Variants in HPCAL4 observed in about 807,000 individuals in gnomAD.
HPCAL4 encodes the protein hippocalcin-like protein 4.
In HPCAL4, 16 loss-of-function variants were observed where a neutral mutation model predicts 18.2. That is an observed-to-expected ratio of 0.88 (90% confidence interval 0.59 to 1.33). The LOEUF is 1.33. HPCAL4 is among the 40% of genes most tolerant of loss of function. The pLI, the probability that HPCAL4 is intolerant of heterozygous loss-of-function variation, is 0.00. For synonymous variants in HPCAL4, 80 were observed against 97.5 expected, an observed-to-expected ratio of 0.82 and a Z score of 1.06; for missense variants, 214 against 256.6, an observed-to-expected ratio of 0.83 and a Z score of 1.14.
Position 39,684,463 on chromosome 1 carries a change from C to A in HPCAL4, c.141G>T (p.Glu47Asp). Residue 47 changes from glutamate to aspartate, a missense_variant, in exon 2 of 4, where the codon GAG becomes GAT. Physicochemically the swap from Glu to Asp is conservative, Grantham distance 45. Transcript: ENST00000372844. ...CCACCTTGATGTAGAGCTGCTGAAA[C>A]TCCTCCAGGTTGAGGATGCCGCTGG... is the stretch of plus-strand genomic sequence containing the variant. The part of the protein sequence containing the change: ...DCPSGILNLE[E>D]FQQLYIKFFP... 1 of 1,608,560 alleles carries A rather than the reference C, an allele frequency of 6.2e-7. No homozygotes were observed. Among genetic ancestry groups the A allele is most frequent in the Non-Finnish European group, 8.5e-7 (1 of 1,177,590 alleles).
intron 3 of HPCAL4, among the ~76,000 whole-genome samples, chr1:39,683,139 C>T (rs1417255802): frequency 6.6e-6 from 1 of 152,198 alleles, no homozygotes; most frequent in African/African-American, 2.4e-5. Context: ...CGGCCTCACC[C>T]TCCCAAAGTG....
Position 39,682,390 on chromosome 1 carries a change from A to T in HPCAL4, c.*146T>A. On this transcript the variant is annotated 3_prime_UTR_variant, in exon 4 of 4. Transcript: ENST00000372844. ...GGTGGTCCCTCAAAGATCTTGATGG[A>T]GGGGAGGAAGGGCTTGGGCAGAGGA... The T allele has an allele frequency of 1.5e-6, 1 of 664,186 alleles. No homozygotes were observed. The highest frequency in any genetic ancestry group is 2.6e-6 in the Non-Finnish European group (1 of 384,148). The allele number at this position is 664,186 out of a possible 1,614,324, so 41.1% of individuals were successfully genotyped here. A position where few individuals can be genotyped will look rare whatever the true frequency, so the allele number is the denominator to read the frequency against.
chr1:39,683,922 C>G lies in HPCAL4; in HGVS notation c.378+15G>C. On this transcript the variant is annotated intron_variant, in intron 3 of 3. Transcript: ENST00000372844. Reference sequence around the variant, plus strand: ...CGCTGGCCTCGGGAACAGCAGCGCCCGCGCGGCCCCGCACCTCGATGATCT... The same window carrying G: ...CGCTGGCCTCGGGAACAGCAGCGCCGGCGCGGCCCCGCACCTCGATGATCT... 2.5e-6 allele frequency: 4 copies of G among 1,608,870 alleles called. No homozygotes were observed. The highest frequency in any genetic ancestry group is 3.4e-6 in the Non-Finnish European group (4 of 1,177,218).
At chr1:39,691,060 C>G (rs1177790784) in intron 1 of HPCAL4, 1 of 152,696 alleles carries the variant, frequency 6.5e-6, no homozygotes, top group African/African-American at 2.4e-5. Flanking sequence ...AATGGTTGTT[C>G]TCACCTGAGC....
intron 1 of HPCAL4, among the ~76,000 whole-genome samples, chr1:39,688,345 T>TC (rs746514769): frequency 1.3e-5 from 2 of 152,134 alleles, no homozygotes; most frequent in Admixed American, 6.5e-5. Context: ...CTCTCCCTCA[T>TC]CCCCGGGGTG....
At chr1:39,687,912 A>AAC (rs71278728) in intron 1 of HPCAL4, among the ~76,000 whole-genome samples, 1,539 of 148,868 alleles carry the variant, frequency 0.01, 13 homozygotes, top group Non-Finnish European at 0.016. Flanking sequence ...CAAAAAAAAA[A>AAC]TAAGTAAATA....
intron 2 of HPCAL4, 69 bp downstream of exon 2, chr1:39,684,356 AGGGTGCCCTGCCTCCCT>A: frequency 9.7e-7 from 1 of 1,032,950 alleles, no homozygotes; most frequent in Non-Finnish European, 1.2e-6. Flanking sequence ...TTCTCATCCC[AGGGTGCCCTGCCTCCCT>A]CACCCCCGGT....
rs1646599159 is a variant in HPCAL4, at chr1:39,679,118, G to T, written c.*3418C>A. 6.6e-6 allele frequency: 1 copy of T among 152,140 alleles called. No individual in the cohort carries two copies. The allele number at this position is 152,140 out of a possible 1,614,324, so 9.4% of individuals were successfully genotyped here. Reference sequence around the variant, plus strand: ...CAGGGTGGATCTTCAGGAAATATTTGTTGCTTCAATACATTTTTGTGTAAA... The same window carrying T: ...CAGGGTGGATCTTCAGGAAATATTTTTTGCTTCAATACATTTTTGTGTAAA... On this transcript the variant is annotated 3_prime_UTR_variant, in exon 4 of 4. Transcript: ENST00000372844.
At chr1:39,682,884 C>T (rs1459544287) in intron 3 of HPCAL4, 151 bp from the exon 4 acceptor site, 1 of 615,466 alleles carries the variant, frequency 1.6e-6, no homozygotes, top group African/African-American at 1.9e-5. Flanking sequence ...ATTTAATGAG[C>T]AACTCTTTTT....
At chr1:39,689,726 T>C (rs1182167092) in intron 1 of HPCAL4, among the ~76,000 whole-genome samples, 1 of 152,158 alleles carries the variant, frequency 6.6e-6, no homozygotes, top group Non-Finnish European at 1.5e-5. Context: ...GCTGTGGGCT[T>C]TGAATGGAGA....
chr1:39,684,720 T>G (rs1646659581), intron 1 of HPCAL4, 109 bp from the exon 2 acceptor site: 3 of 891,218 alleles, frequency 3.4e-6, no homozygotes, highest in Non-Finnish European at 4.9e-6. Flanking sequence ...TTCCTTCCCC[T>G]CATGACACTC....
At chr1:39,690,633 A>T (rs1646710734) in intron 1 of HPCAL4, among the ~76,000 whole-genome samples, 1 of 152,158 alleles carries the variant, frequency 6.6e-6, no homozygotes, top group African/African-American at 2.4e-5. Flanking sequence ...TCCTCCCGCC[A>T]GGATGAGAGA....
At chr1:39,689,014 G>A (rs886155490) in intron 1 of HPCAL4, among the ~76,000 whole-genome samples, 5 of 152,108 alleles carry the variant, frequency 3.3e-5, no homozygotes, top group Non-Finnish European at 5.9e-5. Flanking sequence ...ATTTGAGACA[G>A]GTCTTTGCAT....
intron 1 of HPCAL4, among the ~76,000 whole-genome samples, chr1:39,689,050 A>C (rs1451712110): frequency 6.6e-6 from 1 of 152,194 alleles, no homozygotes; most frequent in African/African-American, 2.4e-5. Context: ...GTCAGAAAAA[A>C]AATCCTCCAG....
chr1:39,682,870 G>A, intron 3 of HPCAL4, 137 bp from the exon 4 acceptor site: 1 of 639,426 alleles, frequency 1.6e-6, no homozygotes, highest in Admixed American at 2.7e-5. Context: ...CATTAAGACT[G>A]GATATTTAAT....
In HPCAL4 at chr1:39,679,268, C is replaced by T. The variant is rs1172920789; in HGVS notation, c.*3268G>A. ...AGGCAAATTTCTACCTCTAGAGACT[C>T]TGCCATTGTCAGGAAAGGATTTAGT... On this transcript the variant is annotated 3_prime_UTR_variant, in exon 4 of 4. Transcript: ENST00000372844. 1 of 152,218 alleles carries T rather than the reference C, an allele frequency of 6.6e-6. No homozygotes were observed. Among genetic ancestry groups the T allele is most frequent in the Non-Finnish European group, 1.5e-5 (1 of 68,042 alleles). 9.4% of individuals were successfully genotyped at this position (152,218 alleles called of 1,614,324 possible).
rs916495015 is a variant in HPCAL4 at position 39,682,482 on chromosome 1, G to T, written c.*54C>A. On this transcript the variant is annotated 3_prime_UTR_variant, in exon 4 of 4. Coordinates refer to ENST00000372844, the MANE Select transcript of HPCAL4 (RefSeq NM_016257.4). ...GGGAGGCCAGCCAGAGAGGTCATCA[G>T]GTTGGGAGGTGGCCATGCCCCTTCT... The T allele has an allele frequency of 6.4e-7, 1 of 1,572,018 alleles. No homozygotes were observed. Among genetic ancestry groups the T allele is most frequent in the Non-Finnish European group, 8.7e-7 (1 of 1,143,880 alleles).
intron 1 of HPCAL4, among the ~76,000 whole-genome samples, chr1:39,690,642 G>A (rs552185123): frequency 5.0e-4 from 76 of 152,230 alleles, no homozygotes; most frequent in African/African-American, 1.7e-3. Context: ...CAGGATGAGA[G>A]ATGCCAAATA....
At chr1:39,686,955 C>T (rs949872698) in intron 1 of HPCAL4, among the ~76,000 whole-genome samples, 31 of 152,278 alleles carry the variant, frequency 2.0e-4, no homozygotes, top group South Asian at 8.3e-4. Context: ...TCCCATAGCC[C>T]GATGTCTGCC....
Sources: allele counts gnomAD v4.1 joint callset (sites outside exome capture counted in the v4.1 genomes callset), GRCh38; gene constraint gnomAD v4.1.1; transcripts MANE v1.5; gene names NCBI Gene and HGNC (gene_info 2026-07-23, HGNC 2026-07-21).